Variants in AMBRA1 observed in about 807,000 individuals in gnomAD.
AMBRA1 encodes activating molecule in BECN1-regulated autophagy protein 1.
Under a neutral mutation model 125.4 loss-of-function variants are expected in AMBRA1, and 47 were observed. The observed-to-expected ratio is 0.37, with a 90% CI of 0.30 to 0.48. AMBRA1 has a LOEUF of 0.48. Ranked by LOEUF, AMBRA1 falls within the 20% of genes least tolerant of loss-of-function variation. AMBRA1 has a pLI of 0.99. For missense variants in AMBRA1, 1,331 were observed against 1,693.4 expected, an observed-to-expected ratio of 0.79 and a Z score of 3.76; for synonymous variants, 626 against 655.5, an observed-to-expected ratio of 0.95 and a Z score of 0.69.
At chr11:46,443,723 A>G in intron 11 of AMBRA1, 125 bp from the exon 12 acceptor site, 2 of 764,656 alleles carry the variant, frequency 2.6e-6, no homozygotes, top group East Asian at 5.5e-5. Context: ...TGGCTGAAGA[A>G]AGCTAATGAG....
At chr11:46,482,518 T>G (rs932490573) in intron 11 of AMBRA1, among the ~76,000 whole-genome samples, 2 of 152,230 alleles carry the variant, frequency 1.3e-5, no homozygotes, top group African/African-American at 4.8e-5. Flanking sequence ...CCAGCTTCAT[T>G]TGTGAAAATA....
intron 7 of AMBRA1, among the ~76,000 whole-genome samples, chr11:46,520,163 G>A (rs1264495931): frequency 1.3e-5 from 2 of 149,390 alleles, no homozygotes; most frequent in African/African-American, 2.5e-5. Context: ...AAAAAATTAC[G>A]AGGCTCCTAA....
intron 15 of AMBRA1, among the ~76,000 whole-genome samples, chr11:46,416,755 TG>T (rs1262704779): frequency 1.3e-5 from 2 of 152,192 alleles, no homozygotes; most frequent in African/African-American, 4.8e-5. Flanking sequence ...GAGGTCAACA[TG>T]AGGACAGCCT....
At chr11:46,545,419 G>A (rs765126398) in intron 5 of AMBRA1, among the ~76,000 whole-genome samples, 185 bp downstream of exon 5, 8 of 151,748 alleles carry the variant, frequency 5.3e-5, no homozygotes, top group African/African-American at 1.5e-4. Context: ...ACAAGACTGC[G>A]CCACTGCACT....
chr11:46,556,502 T>C (rs557056685), intron 1 of AMBRA1, among the ~76,000 whole-genome samples: 247 of 152,374 alleles, frequency 1.6e-3, no homozygotes, highest in Middle Eastern at 3.4e-3. Flanking sequence ...GGCAAAGTGC[T>C]AACTGGTTAA....
At chr11:46,582,868 G>A (rs762266328) in intron 1 of AMBRA1, among the ~76,000 whole-genome samples, 2 of 151,292 alleles carry the variant, frequency 1.3e-5, no homozygotes, top group Non-Finnish European at 2.9e-5. Flanking sequence ...GAAAAGGTAC[G>A]AATTGAGATG....
intron 7 of AMBRA1, among the ~76,000 whole-genome samples, chr11:46,525,858 G>C (rs570382799): frequency 1.3e-5 from 2 of 151,946 alleles, no homozygotes; most frequent in Non-Finnish European, 2.9e-5. Context: ...GTTGCAGTGA[G>C]CAGAGATCAC....
intron 1 of AMBRA1, among the ~76,000 whole-genome samples, chr11:46,592,614 CGA>C (rs1237781795): frequency 6.6e-6 from 1 of 152,054 alleles, no homozygotes; most frequent in East Asian, 1.9e-4. Context: ...AAAAATTAGC[CGA>C]GTGTGGTGGC....
intron 9 of AMBRA1, chr11:46,504,714 C>T (rs1315663007): frequency 2.0e-5 from 3 of 152,204 alleles, no homozygotes; most frequent in South Asian, 4.1e-4. Flanking sequence ...GCTGACCAAC[C>T]TCCAAAGCCA....
At chr11:46,408,477 C>A (rs375552551) in intron 17 of AMBRA1, 36 bp downstream of exon 17, 1 of 1,476,516 alleles carries the variant, frequency 6.8e-7, no homozygotes, top group Non-Finnish European at 9.0e-7. Flanking sequence ...TCTTAGGGTC[C>A]CTCTCCCACC....
At chr11:46,460,324 CTTT>C (rs397847968) in intron 11 of AMBRA1, among the ~76,000 whole-genome samples, 3 of 139,870 alleles carry the variant, frequency 2.1e-5, no homozygotes, top group Admixed American at 7.0e-5. Flanking sequence ...AAACACAACT[CTTT>C]TTTTTTTTTT....
intron 9 of AMBRA1, chr11:46,504,811 T>G (rs1001696506): frequency 3.3e-5 from 5 of 152,086 alleles, no homozygotes; most frequent in Non-Finnish European, 4.4e-5. Flanking sequence ...TTTTCAAAGG[T>G]TTTTAAATCA....
At chr11:46,454,652 G>A (rs1590850547) in intron 11 of AMBRA1, among the ~76,000 whole-genome samples, 1 of 151,484 alleles carries the variant, frequency 6.6e-6, no homozygotes. Context: ...TTGGGAGGCT[G>A]AGGCAGGAGA....
At chr11:46,565,298 ATT>A (rs1463449693) in intron 1 of AMBRA1, among the ~76,000 whole-genome samples, 1 of 151,976 alleles carries the variant, frequency 6.6e-6, no homozygotes, top group East Asian at 1.9e-4. Context: ...ATAATTTGTC[ATT>A]TTACTTCTGT....
At chr11:46,547,071 T>G in intron 4 of AMBRA1, 42 bp downstream of exon 4, 3 of 1,503,100 alleles carry the variant, frequency 2.0e-6, no homozygotes, top group Non-Finnish European at 8.9e-7. Flanking sequence ...AAAAAAAAAA[T>G]TAGAACACCA....
chr11:46,479,231 C>CA (rs1949956018), intron 11 of AMBRA1, among the ~76,000 whole-genome samples: 1 of 151,924 alleles, frequency 6.6e-6, no homozygotes, highest in African/African-American at 2.4e-5. Context: ...GCAATGTGTT[C>CA]AGAGTGTGCT....
chr11:46,529,486 G>C (rs1201064221), intron 7 of AMBRA1, among the ~76,000 whole-genome samples: 1 of 152,208 alleles, frequency 6.6e-6, no homozygotes, highest in Non-Finnish European at 1.5e-5. Context: ...ACTCCCCCTG[G>C]TGGAGCCAAG....
intron 7 of AMBRA1, among the ~76,000 whole-genome samples, chr11:46,515,825 G>A (rs1281049566): frequency 6.6e-6 from 1 of 152,052 alleles, no homozygotes; most frequent in Non-Finnish European, 1.5e-5. Context: ...AAAGGCATGC[G>A]CCACCACACC....
At chr11:46,476,250 T>A (rs576712194) in intron 11 of AMBRA1, among the ~76,000 whole-genome samples, 1 of 152,332 alleles carries the variant, frequency 6.6e-6, no homozygotes, top group South Asian at 2.1e-4. Context: ...GTTAGTTCCA[T>A]CCAGTGGCAG....
Sources: allele counts gnomAD v4.1 joint callset (sites outside exome capture counted in the v4.1 genomes callset), GRCh38; gene constraint gnomAD v4.1.1; transcripts MANE v1.5; gene names NCBI Gene and HGNC (gene_info 2026-07-23, HGNC 2026-07-21).